The following ELAVL2 variants were observed in gnomAD, a reference collection of about 807,000 sequenced individuals.
The protein encoded by ELAVL2 is ELAV like RNA binding protein 2, also known as ELAV-like protein 2.
In ELAVL2, 4 loss-of-function variants were observed where a neutral mutation model predicts 34.6. The ratio of observed to expected loss-of-function variants is 0.12; its 90% confidence interval spans 0.06 to 0.26. ELAVL2 has a LOEUF of 0.26. ELAVL2 is among the 10% of genes least tolerant of loss of function. The pLI, the probability that ELAVL2 is intolerant of heterozygous loss-of-function variation, is 1.00. For synonymous variants in ELAVL2, 193 were observed against 154.8 expected, an observed-to-expected ratio of 1.25 and a Z score of -1.83; for missense variants, 432 against 442.8, an observed-to-expected ratio of 0.98 and a Z score of 0.22.
chr9:23,757,698 G>A (rs980100654), intron 2 of ELAVL2, among the ~76,000 whole-genome samples: 1 of 152,038 alleles, frequency 6.6e-6, no homozygotes, highest in Non-Finnish European at 1.5e-5. Flanking sequence ...CTATAGATAG[G>A]AAACAGGCTG....
intron 2 of ELAVL2, among the ~76,000 whole-genome samples, chr9:23,744,379 A>G (rs1030349070): frequency 5.3e-5 from 8 of 152,222 alleles, no homozygotes; most frequent in African/African-American, 9.6e-5. Context: ...CCAATATTCA[A>G]TAGCCTATGC....
intron 4 of ELAVL2, among the ~76,000 whole-genome samples, chr9:23,703,987 C>T (rs920667915): frequency 6.6e-6 from 1 of 152,020 alleles, no homozygotes; most frequent in Non-Finnish European, 1.5e-5. Context: ...GGCTGGAGTG[C>T]AATGGCATGA....
chr9:23,804,145 G>A (rs1298820128), intron 1 of ELAVL2, among the ~76,000 whole-genome samples: 1 of 151,646 alleles, frequency 6.6e-6, no homozygotes, highest in East Asian at 1.9e-4. Context: ...CCACAGAACT[G>A]TTTAAAAGAT....
At chr9:23,777,307 C>G (rs1156473500) in intron 1 of ELAVL2, among the ~76,000 whole-genome samples, 1 of 152,148 alleles carries the variant, frequency 6.6e-6, no homozygotes, top group African/African-American at 2.4e-5. Context: ...TGACCCTGAA[C>G]CCAAATTTTT....
the ELAVL2 span, among the ~76,000 whole-genome samples, chr9:23,850,078 G>A: frequency 1.3e-5 from 2 of 148,922 alleles, no homozygotes; most frequent in Admixed American, 1.3e-4. Context: ...AAACCCCAGA[G>A]CAAGACGCAC....
intron 5 of ELAVL2, 24 bp downstream of exon 5, chr9:23,701,355 G>A (rs756473018): frequency 8.7e-6 from 14 of 1,610,816 alleles, no homozygotes; most frequent in Admixed American, 8.3e-5. Context: ...TAGTAGCTGG[G>A]CACAAGAACC....
chr9:23,822,394 C>T (rs2064929439), intron 1 of ELAVL2, among the ~76,000 whole-genome samples: 1 of 152,064 alleles, frequency 6.6e-6, no homozygotes, highest in Non-Finnish European at 1.5e-5. Context: ...GCTTCAAACG[C>T]AAAGTAGGAA....
At chr9:23,735,314 T>A (rs1032911617) in intron 2 of ELAVL2, 2 of 152,114 alleles carry the variant, frequency 1.3e-5, no homozygotes, top group African/African-American at 2.4e-5. Flanking sequence ...TCTCTCTCTG[T>A]CATCCAGACT....
intron 1 of ELAVL2, among the ~76,000 whole-genome samples, chr9:23,789,446 G>A (rs2060085243): frequency 1.3e-5 from 2 of 152,134 alleles, no homozygotes; most frequent in African/African-American, 2.4e-5. Context: ...GAATTCTTGA[G>A]GCATAGTATT....
At chr9:23,737,861 A>T (rs896336353) in intron 2 of ELAVL2, among the ~76,000 whole-genome samples, 4 of 152,244 alleles carry the variant, frequency 2.6e-5, no homozygotes, top group African/African-American at 9.6e-5. Flanking sequence ...TTAAAAAGCA[A>T]AATGGAAAGA....
In ELAVL2 at chr9:23,756,485, T is replaced by C. The variant is rs560180362; in HGVS notation, c.229+5521A>G. On this transcript the variant is annotated intron_variant, in intron 2 of 6. Coordinates refer to ENST00000397312, the MANE Select transcript of ELAVL2 (RefSeq NM_004432.5). ...CTTCCACCAACTACTCCTCTAGCCA[T>C]TCTTTTAGAAGAAAGGAAAAATAAC... 8.5e-5 allele frequency among the ~76,000 whole-genome samples: 13 copies of C among 152,248 alleles called. No individual in the cohort carries two copies. The South Asian group carries it at 1.4e-3, about 17-fold the overall frequency.
intron 2 of ELAVL2, among the ~76,000 whole-genome samples, chr9:23,760,770 T>C (rs1450286305): frequency 6.6e-6 from 1 of 152,066 alleles, no homozygotes; most frequent in Admixed American, 6.6e-5. Flanking sequence ...GACAATCAGT[T>C]TGTACTTAGC....
intron 3 of ELAVL2, among the ~76,000 whole-genome samples, chr9:23,712,040 G>A (rs1250723709): frequency 2.0e-5 from 3 of 152,074 alleles, no homozygotes; most frequent in South Asian, 2.1e-4. Flanking sequence ...CCCCAGAGGC[G>A]ACACAATCTT....
intron 4 of ELAVL2, among the ~76,000 whole-genome samples, 178 bp from the exon 5 acceptor site, chr9:23,701,782 G>C (rs2037328796): frequency 2.0e-5 from 3 of 152,108 alleles, no homozygotes; most frequent in South Asian, 4.1e-4. Flanking sequence ...ATTCAGTTTA[G>C]AATCACAATT....
intron 3 of ELAVL2, 102 bp from the exon 4 acceptor site, chr9:23,705,173 GAACAC>G: frequency 1.5e-6 from 2 of 1,342,648 alleles, no homozygotes; most frequent in Non-Finnish European, 2.0e-6. Context: ...GAACAGCATA[GAACAC>G]TGAAGTTCAA....
intron 2 of ELAVL2, among the ~76,000 whole-genome samples, chr9:23,734,384 T>C (rs1040874336): frequency 6.6e-6 from 1 of 152,164 alleles, no homozygotes; most frequent in Admixed American, 6.5e-5. Flanking sequence ...TCCTACAAGG[T>C]AGAAATGATA....
At chr9:23,791,714 G>T (rs1277483195) in intron 1 of ELAVL2, among the ~76,000 whole-genome samples, 1 of 152,172 alleles carries the variant, frequency 6.6e-6, no homozygotes, top group African/African-American at 2.4e-5. Context: ...AAAGCTAAGT[G>T]AGGACACAGT....
At position 23,724,038 on chromosome 9, in the gene ELAVL2, G is replaced by T. The variant is rs149723743; in HGVS notation, c.333+6984C>A. On this transcript the variant is annotated intron_variant, in intron 3 of 6. Coordinates refer to ENST00000397312, the MANE Select transcript of ELAVL2 (RefSeq NM_004432.5). ...ATAAAACCTGACATTCTCCATGCTGGTTACAGAAATGAAATAGCCAGGCTT... is the reference window on the plus strand; with the variant it reads ...ATAAAACCTGACATTCTCCATGCTGTTTACAGAAATGAAATAGCCAGGCTT... Among the ~76,000 whole-genome samples, 5 of 152,246 alleles carry T rather than the reference G, an allele frequency of 3.3e-5. No homozygotes were observed. The East Asian group carries it at 9.7e-4, about 29-fold the overall frequency.
chr9:23,810,233 G>T (rs1316720071), intron 1 of ELAVL2, among the ~76,000 whole-genome samples: 3 of 151,842 alleles, frequency 2.0e-5, no homozygotes, highest in East Asian at 1.9e-4. Flanking sequence ...AAGTAATCCT[G>T]CAAGTCAAGG....
Sources: gnomAD v4.1 joint callset for allele counts (sites outside exome capture counted in the v4.1 genomes callset) on GRCh38, gnomAD v4.1.1 for gene constraint, MANE v1.5 for transcripts, NCBI Gene and HGNC (gene_info 2026-07-23, HGNC 2026-07-21) for gene names.